PDPR: variants seen among roughly 807,000 people sequenced by gnomAD.
PDPR encodes the protein pyruvate dehydrogenase phosphatase regulatory subunit, mitochondrial.
In PDPR, 50 loss-of-function variants were observed where a neutral mutation model predicts 102.2. The ratio of observed to expected loss-of-function variants is 0.49; its 90% confidence interval spans 0.39 to 0.62. The LOEUF (loss-of-function observed/expected upper bound fraction) is 0.62. Ranked by LOEUF, PDPR falls within the 20% of genes least tolerant of loss-of-function variation. The pLI is 0.00. For synonymous variants in PDPR, 259 were observed against 406.0 expected, an observed-to-expected ratio of 0.64 and a Z score of 4.35; for missense variants, 625 against 1,098.2, an observed-to-expected ratio of 0.57 and a Z score of 6.09.
At position 70,136,308 on chromosome 16, in the gene PDPR, A is replaced by G. The variant is rs571097006; in HGVS notation, c.1112A>G (p.Glu371Gly). Residue 371 changes from glutamate to glycine, a missense_variant, in exon 10 of 19, where the codon GAG becomes GGG. By Grantham distance (98) the Glu-to-Gly change is moderately conservative (BLOSUM62 -2). Transcript: ENST00000288050. The part of the protein sequence containing the change: ...FTPDMRCIMG[E>G]SPAVQGYFVL... ...CCAGACATGAGGTGCATCATGGGCG[A>G]GTCTCCTGCAGTGCAGGGCTACTTT... 20 of 1,613,602 alleles carry G rather than the reference A, an allele frequency of 1.2e-5. No individual in the cohort carries two copies. In the East Asian group the frequency reaches 4.2e-4, roughly 34 times the overall value.
At chr16:70,141,993 G>A (rs756774558) in intron 11 of PDPR, among the ~76,000 whole-genome samples, 3 of 152,248 alleles carry the variant, frequency 2.0e-5, no homozygotes, top group Admixed American at 6.5e-5. Flanking sequence ...CCAGCTACTC[G>A]GGAGGCTGAG....
rs1242198482 is a variant in PDPR at position 70,160,948 on chromosome 16, T to C, written c.*4069T>C. On this transcript the variant is annotated 3_prime_UTR_variant, in exon 19 of 19. Coordinates refer to ENST00000288050, the MANE Select transcript of PDPR (RefSeq NM_017990.5). ...TACACCACTTTTTGAGAACCTGAAA[T>C]AGAAGGGAATCTTCTGTGGCCCACA... is the stretch of plus-strand genomic sequence containing the variant. 6.6e-6 allele frequency: 1 copy of C among 152,494 alleles called. No individual in the cohort carries two copies. The highest frequency in any genetic ancestry group is 1.5e-5 in the Non-Finnish European group (1 of 68,182). 9.4% of individuals were successfully genotyped at this position (152,494 alleles called of 1,614,324 possible).
chr16:70,125,087 G>A lies in PDPR; in HGVS notation c.228-2173G>A, dbSNP rs568927908. Among the ~76,000 whole-genome samples the A allele has an allele frequency of 3.3e-5, 5 of 152,252 alleles. No individual in the cohort carries two copies. The South Asian group carries it at 6.2e-4, about 19-fold the overall frequency. Reference sequence around the variant, plus strand: ...TTATATGATTCAAAATTGAAAATATGTAAAAGAAGCTGGGTGCAGTGGCTT... The same window carrying A: ...TTATATGATTCAAAATTGAAAATATATAAAAGAAGCTGGGTGCAGTGGCTT... On this transcript the variant is annotated intron_variant, in intron 3 of 18. Transcript: ENST00000288050.
chr16:70,143,430 GGT>G, intron 13 of PDPR, 78 bp from the exon 14 acceptor site: 1 of 1,525,098 alleles, frequency 6.6e-7, no homozygotes, highest in Non-Finnish European at 8.9e-7. Flanking sequence ...TTCTCAATGA[GGT>G]TCATTGCTGG....
chr16:70,125,365 AC>A (rs1963821123), intron 3 of PDPR, among the ~76,000 whole-genome samples: 1 of 151,004 alleles, frequency 6.6e-6, no homozygotes, highest in Non-Finnish European at 1.5e-5. Flanking sequence ...GACGAGCAAA[AC>A]TCCGTCTCTA....
intron 4 of PDPR, among the ~76,000 whole-genome samples, chr16:70,127,804 T>C (rs1305266994): frequency 6.6e-6 from 1 of 152,290 alleles, no homozygotes; most frequent in African/African-American, 2.4e-5. Context: ...CAACAGGAAT[T>C]GGCTCTGGCC....
chr16:70,140,209 C>T (rs1227885632), intron 11 of PDPR, among the ~76,000 whole-genome samples: 1 of 152,224 alleles, frequency 6.6e-6, no homozygotes, highest in Non-Finnish European at 1.5e-5. Flanking sequence ...TGCCTAGTGG[C>T]ACACACCTGA....
At chr16:70,120,755 T>A (rs1177857367) in intron 3 of PDPR, 36 bp downstream of exon 3, 1 of 1,339,098 alleles carries the variant, frequency 7.5e-7, no homozygotes, top group East Asian at 2.3e-5. Flanking sequence ...ATGGCTGTGC[T>A]GCACTAATCG....
At chr16:70,147,243 TTTA>T (rs1391812252) in intron 16 of PDPR, among the ~76,000 whole-genome samples, 1 of 45,754 alleles carries the variant, frequency 2.2e-5, no homozygotes, top group African/African-American at 8.4e-5. Context: ...GCCTTATTTG[TTTA>T]TTTTTTACAC....
chr16:70,142,337 G>A lies in PDPR; in HGVS notation c.1419G>A (p.Trp473Ter). 3 of 1,614,068 alleles carry A rather than the reference G, an allele frequency of 1.9e-6. No individual in the cohort carries two copies. The highest frequency in any genetic ancestry group is 2.5e-6 in the Non-Finnish European group (3 of 1,179,898). Residue 473 changes from tryptophan to a stop codon, truncating the protein, a stop_gained, in exon 12 of 19, where the codon TGG becomes TGA. Transcript: ENST00000288050. LOFTEE classifies it high-confidence loss of function. ...YDRLDAQGAR[W>*]MEKHGFERPK... ...GGCTGGATGCACAGGGAGCCAGGTGGATGGAGAAACATGGATTTGAGAGGC... is the reference window on the plus strand; with the variant it reads ...GGCTGGATGCACAGGGAGCCAGGTGAATGGAGAAACATGGATTTGAGAGGC...
chr16:70,118,947 T>G (rs928734489), intron 2 of PDPR, among the ~76,000 whole-genome samples: 114 of 152,200 alleles, frequency 7.5e-4, no homozygotes, highest in African/African-American at 2.5e-3. Flanking sequence ...GGACAATTTG[T>G]GCTGACTGTG....
intron 4 of PDPR, 65 bp from the exon 5 acceptor site, chr16:70,128,719 G>A (rs1347255833): frequency 1.9e-6 from 3 of 1,612,196 alleles, no homozygotes; most frequent in African/African-American, 1.3e-5. Flanking sequence ...TAATCTAGTG[G>A]ATTTTCCACT....
chr16:70,154,736 C>T (rs1966924044), intron 18 of PDPR, among the ~76,000 whole-genome samples: 2 of 152,208 alleles, frequency 1.3e-5, no homozygotes, highest in African/African-American at 4.8e-5. Flanking sequence ...CCCTCTCATG[C>T]TCAAGTGATC....
At chr16:70,133,154 G>T (rs1461329333) in intron 9 of PDPR, among the ~76,000 whole-genome samples, 1 of 120,298 alleles carries the variant, frequency 8.3e-6, no homozygotes, top group Non-Finnish European at 1.6e-5. Context: ...TCGCTCTGTT[G>T]CCCAGGCTGG....
intron 2 of PDPR, among the ~76,000 whole-genome samples, chr16:70,115,889 C>T (rs1962588112): frequency 6.6e-6 from 1 of 152,138 alleles, no homozygotes; most frequent in Non-Finnish European, 1.5e-5. Flanking sequence ...GGCTTTACCT[C>T]CTTTGTTATC....
intron 3 of PDPR, among the ~76,000 whole-genome samples, chr16:70,120,946 T>C (rs944898378): frequency 2.0e-5 from 3 of 148,456 alleles, no homozygotes; most frequent in African/African-American, 7.4e-5. Flanking sequence ...TTTTTTTTTT[T>C]TTTTTTTTTT....
intron 3 of PDPR, 139 bp downstream of exon 3, chr16:70,120,858 C>G: frequency 1.6e-6 from 1 of 623,900 alleles, no homozygotes; most frequent in Admixed American, 3.0e-5. Context: ...GTGGAATCTC[C>G]TGAATTTTGT....
Position 70,161,365 on chromosome 16 carries a change from T to G in PDPR, c.*4486T>G, listed in dbSNP as rs1335767403. 6.5e-6 allele frequency: 1 copy of G among 153,802 alleles called. No homozygotes were observed. The highest frequency in any genetic ancestry group is 1.4e-5 in the Non-Finnish European group (1 of 69,382). 9.5% of individuals were successfully genotyped at this position (153,802 alleles called of 1,614,324 possible). On this transcript the variant is annotated 3_prime_UTR_variant, in exon 19 of 19. Transcript: ENST00000288050. ...TAAGAACCTCCTGCCATTCTAATTT[T>G]CCTGCTGCACCCCATCCCCCACACA... is the stretch of plus-strand genomic sequence containing the variant.
chr16:70,119,346 C>CA (rs1011944452), intron 2 of PDPR, among the ~76,000 whole-genome samples: 6 of 151,294 alleles, frequency 4.0e-5, no homozygotes, highest in African/African-American at 7.3e-5. Context: ...CCCCCACCGC[C>CA]AAAAAAAACA....
Sources: allele counts gnomAD v4.1 joint callset (sites outside exome capture counted in the v4.1 genomes callset), GRCh38; gene constraint gnomAD v4.1.1; transcripts MANE v1.5; gene names NCBI Gene and HGNC (gene_info 2026-07-23, HGNC 2026-07-21).